Variants in FBXO47 observed in about 807,000 individuals in gnomAD.
FBXO47 encodes F-box protein 47.
Under a neutral mutation model 53.9 loss-of-function variants are expected in FBXO47, and 34 were observed. The observed-to-expected ratio is 0.63, with a 90% CI of 0.48 to 0.84. FBXO47 has a LOEUF of 0.84. Among genes scored for constraint, FBXO47 ranks in the 40% least tolerant of loss-of-function variants. The probability of loss-of-function intolerance (pLI) is 0.00; values close to 1 mark genes in which losing one functional copy is unlikely to be tolerated. For missense variants in FBXO47, 485 were observed against 541.3 expected (o/e 0.90, Z 1.03); for synonymous variants, 165 against 181.6 (o/e 0.91, Z 0.73).
intron 9 of FBXO47, among the ~76,000 whole-genome samples, chr17:38,939,240 C>T (rs1428248146): frequency 8.2e-6 from 1 of 122,504 alleles, no homozygotes; most frequent in South Asian, 2.7e-4. Context: ...ATGCAGTGAG[C>T]GGAGATCATA....
At chr17:38,953,409 G>A (rs1905402293) in intron 5 of FBXO47, among the ~76,000 whole-genome samples, 1 of 152,044 alleles carries the variant, frequency 6.6e-6, no homozygotes. Flanking sequence ...CAGATCACCT[G>A]AGGTCAGGAG....
intron 9 of FBXO47, among the ~76,000 whole-genome samples, chr17:38,941,619 A>T (rs867739504): frequency 1.2e-3 from 87 of 69,736 alleles, no homozygotes; most frequent in Admixed American, 2.5e-3. Flanking sequence ...TAAATATAAT[A>T]TTATATATAT....
intron 1 of FBXO47, among the ~76,000 whole-genome samples, chr17:38,963,462 C>A (rs1306920083): frequency 6.6e-6 from 1 of 152,062 alleles, no homozygotes; most frequent in Non-Finnish European, 1.5e-5. Context: ...CAGGCATGAA[C>A]CACTGAACCT....
At chr17:38,946,707 TATATATGA>T (rs1467441416) in intron 6 of FBXO47, among the ~76,000 whole-genome samples, 2 of 1,004 alleles carry the variant, frequency 2.0e-3, no homozygotes, top group East Asian at 0.056. Context: ...TATATATAAA[TATATATGA>T]ATATATAAAT....
rs1305490548 is a variant in FBXO47, at chr17:38,967,362, G to A, written c.-160C>T. ...TCAAGAGCTTCCCGCCAGGAGGCGA[G>A]AGGGTCACACTCCCGTAGGCTCCGG... On this transcript the variant is annotated 5_prime_UTR_variant, in exon 1 of 11. Transcript: ENST00000378079. 1.3e-5 allele frequency: 2 copies of A among 152,148 alleles called. No individual in the cohort carries two copies. Among genetic ancestry groups the A allele is most frequent in the Admixed American group, 1.3e-4 (2 of 15,254 alleles). 9.4% of individuals were successfully genotyped at this position (152,148 alleles called of 1,614,324 possible).
At chr17:38,951,503 T>G in intron 6 of FBXO47, 78 bp downstream of exon 6, 2 of 1,178,726 alleles carry the variant, frequency 1.7e-6, no homozygotes, top group East Asian at 5.3e-5. Context: ...CCAAATTACT[T>G]TTAATTACAT....
chr17:38,954,426 AT>A (rs1905453422), intron 5 of FBXO47, among the ~76,000 whole-genome samples: 1 of 152,232 alleles, frequency 6.6e-6, no homozygotes, highest in Middle Eastern at 3.2e-3. Context: ...ACAATAAAAG[AT>A]TAGTCAAAAT....
At chr17:38,943,461 A>G in intron 8 of FBXO47, 129 bp downstream of exon 8, 1 of 550,804 alleles carries the variant, frequency 1.8e-6, no homozygotes, top group Non-Finnish European at 2.9e-6. Flanking sequence ...AACTCTTTAA[A>G]TATTTTAGAG....
In FBXO47 at chr17:38,954,858, G is replaced by A; in HGVS notation, c.505C>T (p.Gln169Ter). The change falls in exon 5 of 11, where the codon CAG becomes TAG. Residue 169 changes from glutamine to a stop codon, truncating the protein, a stop_gained and splice_region_variant. Coordinates refer to ENST00000378079, the MANE Select transcript of FBXO47 (RefSeq NM_001008777.3). LOFTEE classifies it high-confidence loss of function. ...LGLTCYGMFL[Q>*]TLTAGWDELE... ...TTCTCTGATTAAAAAAAATGTACCT[G>A]TAAAAACATGCCATAACATGTTAAT... 2 of 1,597,126 alleles carry A rather than the reference G, an allele frequency of 1.3e-6. No individual in the cohort carries two copies. The highest frequency in any genetic ancestry group is 1.7e-6 in the Non-Finnish European group (2 of 1,171,044).
chr17:38,955,039 T>C, intron 4 of FBXO47, 106 bp from the exon 5 acceptor site: 4 of 797,546 alleles, frequency 5.0e-6, no homozygotes, highest in Non-Finnish European at 4.1e-6. Flanking sequence ...GCAAGAATTT[T>C]TTCAGCACCT....
At chr17:38,938,498 A>G in intron 10 of FBXO47, 75 bp downstream of exon 10, 1 of 1,123,836 alleles carries the variant, frequency 8.9e-7, no homozygotes, top group Non-Finnish European at 1.2e-6. Flanking sequence ...CTGTTAGAGA[A>G]AAATATCTCT....
chr17:38,960,258 T>G lies in FBXO47; in HGVS notation c.352+1619A>C, dbSNP rs542837454. 3.3e-5 allele frequency among the ~76,000 whole-genome samples: 5 copies of G among 150,564 alleles called. No homozygotes were observed. In the South Asian group the frequency reaches 1.0e-3, roughly 31 times the overall value. On this transcript the variant is annotated intron_variant, in intron 3 of 10. Coordinates refer to ENST00000378079, the MANE Select transcript of FBXO47 (RefSeq NM_001008777.3). ...GGCCAGCCTGGGCAACACTGCAAGA[T>G]CCCATCTCAAAAAAAAAAATAGTGA...
intron 9 of FBXO47, among the ~76,000 whole-genome samples, chr17:38,941,132 C>T (rs1220112626): frequency 6.6e-6 from 1 of 151,600 alleles, no homozygotes; most frequent in East Asian, 1.9e-4. Flanking sequence ...CACAGGCACG[C>T]ATGCCACAAC....
chr17:38,961,784 T>G (rs1905824318), intron 3 of FBXO47, 93 bp downstream of exon 3: 2 of 1,104,550 alleles, frequency 1.8e-6, no homozygotes, highest in Non-Finnish European at 2.7e-6. Context: ...TGGAATATAT[T>G]CCATTTCCTA....
chr17:38,963,230 T>G (rs1289946358), intron 1 of FBXO47, among the ~76,000 whole-genome samples, 179 bp from the exon 2 acceptor site: 2 of 152,186 alleles, frequency 1.3e-5, no homozygotes, highest in East Asian at 3.9e-4. Context: ...CAGGCTGGAG[T>G]GCAATGGCGT....
At chr17:38,951,501 C>G in intron 6 of FBXO47, 80 bp downstream of exon 6, 3 of 1,146,050 alleles carry the variant, frequency 2.6e-6, no homozygotes, top group Non-Finnish European at 3.6e-6. Context: ...GCCCAAATTA[C>G]TTTTAATTAC....
intron 7 of FBXO47, 87 bp from the exon 8 acceptor site, chr17:38,943,823 G>A: frequency 8.8e-7 from 1 of 1,131,222 alleles, no homozygotes; most frequent in South Asian, 1.5e-5. Context: ...TTGCACAATG[G>A]AATCCCATTA....
chr17:38,959,579 C>CAAA (rs749435702), intron 3 of FBXO47, among the ~76,000 whole-genome samples: 8 of 27,834 alleles, frequency 2.9e-4, no homozygotes, highest in Non-Finnish European at 4.1e-4. Flanking sequence ...GACTCTGCCT[C>CAAA]AAAAAAAAAA....
At chr17:38,939,115 G>A (rs2143876637) in intron 9 of FBXO47, among the ~76,000 whole-genome samples, 1 of 151,226 alleles carries the variant, frequency 6.6e-6, no homozygotes, top group African/African-American at 2.4e-5. Context: ...CCAAAATGGT[G>A]AAACCCTGTC....
Sources: allele counts gnomAD v4.1 joint callset (sites outside exome capture counted in the v4.1 genomes callset), GRCh38; gene constraint gnomAD v4.1.1; transcripts MANE v1.5; gene names NCBI Gene and HGNC (gene_info 2026-07-23, HGNC 2026-07-21).